The following RBFOX1 variants were observed in gnomAD, a reference collection of about 807,000 sequenced individuals.
The protein encoded by RBFOX1 is RNA binding fox-1 homolog 1, also known as RNA binding protein fox-1 homolog 1.
Under a neutral mutation model 57.7 loss-of-function variants are expected in RBFOX1, and 8 were observed. That is an observed-to-expected ratio of 0.14 (90% CI 0.08 to 0.25). The LOEUF is 0.25. Among genes scored for constraint, RBFOX1 ranks in the 10% least tolerant of loss-of-function variants. The pLI is 1.00. For missense variants in RBFOX1, 611 were observed against 548.5 expected (o/e 1.11, Z -1.14); for synonymous variants, 326 against 222.4 (o/e 1.47, Z -4.15).
At position 6,991,102 on chromosome 16, in the gene RBFOX1, G is replaced by A. The variant is rs571507744; in HGVS notation, c.-15-60955G>A. ...GGCCTGCTTCAGCACAGAAGTTCGA[G>A]GCCATCCTAGGCAACGTAATAAAAT... On this transcript the variant is annotated intron_variant, in intron 3 of 15. Transcript: ENST00000550418. Among the ~76,000 whole-genome samples the A allele has an allele frequency of 4.6e-5, 6 of 131,120 alleles. 1 individual carries two copies. In the South Asian group the frequency reaches 1.5e-3, roughly 33 times the overall value. 86.0% of individuals were successfully genotyped at this position (131,120 alleles called of 152,430 possible).
Position 7,403,570 on chromosome 16 carries a change from C to CG in RBFOX1, c.28-114577_28-114576insG, listed in dbSNP as rs1555852015. 4.1e-5 allele frequency among the ~76,000 whole-genome samples: 6 copies of CG among 146,992 alleles called. No individual in the cohort carries two copies. In the South Asian group the frequency reaches 7.0e-4, roughly 17 times the overall value. ...TATTGCAAATGAGAGAATCCCCCCC[C>CG]CCCCACTTTTTTTTTGCCCAGTCTG... On this transcript the variant is annotated intron_variant, in intron 4 of 15. Transcript: ENST00000550418.
intron 2 of RBFOX1, 148 bp downstream of exon 2, chr16:6,317,205 C>T (rs1201954240): frequency 2.7e-6 from 2 of 732,248 alleles, no homozygotes; most frequent in Non-Finnish European, 2.2e-6. Context: ...CCTATTGTAT[C>T]AGAGATGAGA....
At position 6,648,106 on chromosome 16, in the gene RBFOX1, G is replaced by A. The variant is rs113495104; in HGVS notation, c.-63-6497G>A. Among the ~76,000 whole-genome samples, 1,250 of 152,260 alleles carry A rather than the reference G, an allele frequency of 8.2e-3. 23 individuals carry two copies. Among genetic ancestry groups the A allele is most frequent in the African/African-American group, 0.028 (1,159 of 41,544 alleles). On this transcript the variant is annotated intron_variant, in intron 2 of 15. Coordinates refer to ENST00000550418, the MANE Select transcript of RBFOX1 (RefSeq NM_018723.4). ...GATCCACCTGCCTTGGCCTCCCAAAGTGCTGGGATTACAGGCATGAGCCAC... is the reference window on the plus strand; with the variant it reads ...GATCCACCTGCCTTGGCCTCCCAAAATGCTGGGATTACAGGCATGAGCCAC...
At chr16:7,490,099 T>G (rs2066529564) in intron 4 of RBFOX1, among the ~76,000 whole-genome samples, 2 of 152,212 alleles carry the variant, frequency 1.3e-5, no homozygotes, top group Admixed American at 6.5e-5. Flanking sequence ...TGAACATCTT[T>G]GCCATGTGGC....
At chr16:6,511,600 T>C (rs995969173) in intron 2 of RBFOX1, among the ~76,000 whole-genome samples, 1 of 152,202 alleles carries the variant, frequency 6.6e-6, no homozygotes, top group Non-Finnish European at 1.5e-5. Flanking sequence ...TCCTCATACA[T>C]AATTGCCCTG....
chr16:6,669,678 C>G (rs2098752331), intron 3 of RBFOX1, among the ~76,000 whole-genome samples: 2 of 152,010 alleles, frequency 1.3e-5, no homozygotes, highest in East Asian at 1.9e-4. Context: ...GGTGAGAACA[C>G]TTAAGATCTA....
chr16:7,313,250 TTTTG>T (rs545637910), intron 4 of RBFOX1, among the ~76,000 whole-genome samples: 16 of 152,258 alleles, frequency 1.1e-4, no homozygotes, highest in African/African-American at 2.9e-4. Context: ...CTATGCAATT[TTTTG>T]TTTGTTTGTT....
At chr16:5,591,811 C>T (rs2047017342) in intron 2 of RBFOX1, among the ~76,000 whole-genome samples, 1 of 152,102 alleles carries the variant, frequency 6.6e-6, no homozygotes, top group Non-Finnish European at 1.5e-5. Context: ...TTTGTAATTA[C>T]AAAAAGGCTT....
chr16:5,482,274 C>G (rs767210471), intron 2 of RBFOX1, among the ~76,000 whole-genome samples: 10 of 152,158 alleles, frequency 6.6e-5, no homozygotes, highest in Non-Finnish European at 1.5e-4. Context: ...GTGGATAACT[C>G]TCTTCATCAG....
At position 7,189,469 on chromosome 16, in the gene RBFOX1, T is replaced by A. The variant is rs867342213; in HGVS notation, c.27+137371T>A. On this transcript the variant is annotated intron_variant, in intron 4 of 15. Transcript: ENST00000550418. ...AAAAAGGAATCCTCAATGGATAGAA[T>A]CCTCATAGGGAGACCCACACTGATT... Among the ~76,000 whole-genome samples, 199 of 119,460 alleles carry A rather than the reference T, an allele frequency of 1.7e-3. 1 individual carries two copies. Among genetic ancestry groups the A allele is most frequent in the African/African-American group, 6.4e-3 (190 of 29,872 alleles). The allele number at this position is 119,460 out of a possible 152,430, so 78.4% of individuals were successfully genotyped here. A position where few individuals can be genotyped will look rare whatever the true frequency, so the allele number is the denominator to read the frequency against.
intron 3 of RBFOX1, among the ~76,000 whole-genome samples, chr16:6,669,915 G>A (rs2098753627): frequency 6.6e-6 from 1 of 152,084 alleles, no homozygotes; most frequent in Admixed American, 6.5e-5. Context: ...CATGGTATAT[G>A]GAGAATCCAG....
chr16:7,629,347 A>G (rs2060571116), intron 10 of RBFOX1, among the ~76,000 whole-genome samples: 1 of 152,176 alleles, frequency 6.6e-6, no homozygotes, highest in South Asian at 2.1e-4. Context: ...GAAGATACAG[A>G]AGGAGCATAG....
intron 4 of RBFOX1, among the ~76,000 whole-genome samples, chr16:7,282,163 G>A (rs1048678374): frequency 9.2e-5 from 14 of 152,188 alleles, no homozygotes; most frequent in African/African-American, 1.9e-4. Flanking sequence ...GTACCTGGCC[G>A]ACTAAAGCGA....
intron 4 of RBFOX1, among the ~76,000 whole-genome samples, chr16:5,915,767 G>A (rs943698190): frequency 6.6e-6 from 1 of 152,152 alleles, no homozygotes; most frequent in African/African-American, 2.4e-5. Flanking sequence ...TTGAGGTGGA[G>A]GTTGCAGTGA....
chr16:7,430,634 T>C (rs193199400), intron 4 of RBFOX1, among the ~76,000 whole-genome samples: 163 of 140,804 alleles, frequency 1.2e-3, no homozygotes, highest in African/African-American at 4.2e-3. Flanking sequence ...CACACCAGCC[T>C]GGGTGACAGA....
intron 4 of RBFOX1, among the ~76,000 whole-genome samples, chr16:7,454,485 T>C (rs2058078961): frequency 6.6e-6 from 1 of 152,198 alleles, no homozygotes; most frequent in Non-Finnish European, 1.5e-5. Context: ...TATAGGCTAT[T>C]ATAGATATGA....
chr16:6,127,838 A>G (rs984518746), intron 1 of RBFOX1, among the ~76,000 whole-genome samples: 1 of 152,194 alleles, frequency 6.6e-6, no homozygotes, highest in Non-Finnish European at 1.5e-5. Context: ...AACCTAAAAA[A>G]AATTTTTTTC....
At chr16:5,312,805 G>C (rs1444359751) in intron 1 of RBFOX1, among the ~76,000 whole-genome samples, 1 of 152,146 alleles carries the variant, frequency 6.6e-6, no homozygotes, top group Non-Finnish European at 1.5e-5. Context: ...GTGAAGCTTC[G>C]TAAGATCCTT....
At chr16:6,067,628 C>G (rs2095784348) in intron 1 of RBFOX1, among the ~76,000 whole-genome samples, 1 of 152,124 alleles carries the variant, frequency 6.6e-6, no homozygotes, top group Non-Finnish European at 1.5e-5. Context: ...AAGGTACAGC[C>G]TCAGCTTCCC....
Sources: allele counts gnomAD v4.1 joint callset (sites outside exome capture counted in the v4.1 genomes callset), GRCh38; gene constraint gnomAD v4.1.1; transcripts MANE v1.5; gene names NCBI Gene and HGNC (gene_info 2026-07-23, HGNC 2026-07-21).